Variants in SEMA5A observed in about 807,000 individuals in gnomAD.
SEMA5A encodes semaphorin 5A.
In SEMA5A, 55 loss-of-function variants were observed where a neutral mutation model predicts 135.5. The observed-to-expected ratio is 0.41, with a 90% CI of 0.33 to 0.51. The LOEUF (loss-of-function observed/expected upper bound fraction) is 0.51. SEMA5A is among the 20% of genes least tolerant of loss of function. The probability of loss-of-function intolerance (pLI) is 0.37; values close to 1 mark genes in which losing one functional copy is unlikely to be tolerated. For missense variants in SEMA5A, 1,290 were observed against 1,419.9 expected, an observed-to-expected ratio of 0.91 and a Z score of 1.47; for synonymous variants, 580 against 546.5, an observed-to-expected ratio of 1.06 and a Z score of -0.85.
intron 1 of SEMA5A, among the ~76,000 whole-genome samples, chr5:9,462,605 G>T (rs1759098038): frequency 6.6e-6 from 1 of 152,104 alleles, no homozygotes; most frequent in Non-Finnish European, 1.5e-5. Context: ...ACTGGATAAA[G>T]AAAATGTGGT....
chr5:9,363,745 A>G (rs1391305861), intron 3 of SEMA5A, among the ~76,000 whole-genome samples: 2 of 152,222 alleles, frequency 1.3e-5, no homozygotes, highest in Non-Finnish European at 2.9e-5. Flanking sequence ...TTATCCAACT[A>G]TATTTCTTGC....
intron 3 of SEMA5A, among the ~76,000 whole-genome samples, chr5:9,366,534 G>T (rs1471866453): frequency 5.9e-5 from 9 of 152,076 alleles, no homozygotes; most frequent in Non-Finnish European, 1.2e-4. Flanking sequence ...GACTACAGGT[G>T]CCCACCACCA....
chr5:9,145,634 A>G (rs1035640004), intron 12 of SEMA5A, among the ~76,000 whole-genome samples: 39 of 141,960 alleles, frequency 2.7e-4, no homozygotes, highest in African/African-American at 9.7e-4. Context: ...GATATTAAAG[A>G]AGAAAACTTT....
chr5:9,502,191 G>A (rs1456007150), intron 1 of SEMA5A, among the ~76,000 whole-genome samples: 1 of 152,192 alleles, frequency 6.6e-6, no homozygotes. Context: ...ACACATTCCT[G>A]TGTTCAGCAT....
At chr5:9,370,261 G>A (rs975690224) in intron 3 of SEMA5A, among the ~76,000 whole-genome samples, 5 of 152,322 alleles carry the variant, frequency 3.3e-5, no homozygotes, top group Admixed American at 1.3e-4. Context: ...CGTTCCTGGC[G>A]TCAGGGTCTT....
chr5:9,464,484 C>T (rs906848833), intron 1 of SEMA5A, among the ~76,000 whole-genome samples: 7 of 152,202 alleles, frequency 4.6e-5, no homozygotes, highest in Admixed American at 6.5e-5. Context: ...ACAGTTTACT[C>T]ACGTACCCCT....
intron 5 of SEMA5A, among the ~76,000 whole-genome samples, chr5:9,270,314 A>C (rs1341906732): frequency 6.6e-6 from 1 of 152,066 alleles, no homozygotes; most frequent in Non-Finnish European, 1.5e-5. Context: ...TGTCTTTGCT[A>C]ATTTTTTTTT....
At chr5:9,398,215 C>T (rs1212624121) in intron 2 of SEMA5A, among the ~76,000 whole-genome samples, 1 of 152,158 alleles carries the variant, frequency 6.6e-6, no homozygotes, top group African/African-American at 2.4e-5. Flanking sequence ...AAGGAAAACA[C>T]TATGATATCC....
chr5:9,450,775 C>T (rs905713919), intron 1 of SEMA5A, among the ~76,000 whole-genome samples: 1 of 149,988 alleles, frequency 6.7e-6, no homozygotes, highest in Non-Finnish European at 1.5e-5. Flanking sequence ...AAAAAAGAAA[C>T]GGAAAATAGT....
intron 4 of SEMA5A, among the ~76,000 whole-genome samples, chr5:9,321,971 T>C (rs1021713341): frequency 3.3e-5 from 5 of 152,124 alleles, no homozygotes; most frequent in East Asian, 1.9e-4. Flanking sequence ...GAAAAGACGA[T>C]AGCACAGTCT....
chr5:9,284,106 T>TAGAGAGAGAGAGAGAG (rs3034563), intron 5 of SEMA5A, among the ~76,000 whole-genome samples: 6 of 148,486 alleles, frequency 4.0e-5, no homozygotes, highest in East Asian at 2.0e-4. Flanking sequence ...AGATAGATAT[T>TAGAGAGAGAGAGAGAG]AGAGAGAGAG....
intron 16 of SEMA5A, among the ~76,000 whole-genome samples, chr5:9,089,883 C>T (rs1023381994): frequency 1.2e-4 from 19 of 152,270 alleles, no homozygotes; most frequent in Admixed American, 3.9e-4. Context: ...GTTTATTCTA[C>T]ATCTATTGAA....
intron 13 of SEMA5A, among the ~76,000 whole-genome samples, chr5:9,123,294 A>AAAAAAAAAAAAAT (rs1740924968): frequency 7.0e-6 from 1 of 142,628 alleles, no homozygotes; most frequent in Admixed American, 7.3e-5. Context: ...AAAAAAAAAA[A>AAAAAAAAAAAAAT]GATTGCATAA....
rs149347977 is a variant in SEMA5A, at chr5:9,094,498, T to C, written c.2073+13642A>G. On this transcript the variant is annotated intron_variant, in intron 16 of 22. Transcript: ENST00000382496. ...TAAACCAATTAAATGAGCTTCATAA[T>C]GAAAACTGCCCAGCAAATGTCAGAG... Among the ~76,000 whole-genome samples the C allele has an allele frequency of 1.8e-3, 277 of 152,360 alleles. 3 individuals are homozygous for C. Among genetic ancestry groups the C allele is most frequent in the African/African-American group, 5.8e-3 (243 of 41,594 alleles).
At chr5:9,539,929 A>G (rs752713450) in intron 1 of SEMA5A, among the ~76,000 whole-genome samples, 7 of 152,338 alleles carry the variant, frequency 4.6e-5, no homozygotes, top group Non-Finnish European at 7.3e-5. Flanking sequence ...CAGTTTACAA[A>G]GACATTTGTA....
intron 5 of SEMA5A, among the ~76,000 whole-genome samples, chr5:9,277,855 T>C (rs1326696656): frequency 6.6e-6 from 1 of 152,022 alleles, no homozygotes; most frequent in Non-Finnish European, 1.5e-5. Flanking sequence ...AAATTCCTAA[T>C]GTAGATGATA....
intron 1 of SEMA5A, among the ~76,000 whole-genome samples, chr5:9,533,133 C>T (rs1325027211): frequency 1.3e-5 from 2 of 152,226 alleles, no homozygotes; most frequent in African/African-American, 2.4e-5. Flanking sequence ...CACGCCAATT[C>T]GTCTGAGCCC....
chr5:9,237,863 T>C lies in SEMA5A; in HGVS notation c.298A>G (p.Thr100Ala), dbSNP rs779570076. The change falls in exon 6 of 23, where the codon ACC becomes GCC. Residue 100 changes from threonine to alanine, a missense_variant. Physicochemically the swap from Thr to Ala is moderately conservative, Grantham distance 58. Coordinates refer to ENST00000382496, the MANE Select transcript of SEMA5A (RefSeq NM_003966.3). ...CCTTTGCTGTAACAGGCCTTTTTGG[T>C]AGCTTCATCACACTCCCATTCCACA... ...QAVEWECDEA[T>A]KKACYSKGKS... The C allele has an allele frequency of 8.1e-6, 13 of 1,613,558 alleles. No homozygotes were observed. In the Admixed American group the frequency reaches 1.3e-4, roughly 17 times the overall value.
chr5:9,529,722 A>G (rs1737339528), intron 1 of SEMA5A, among the ~76,000 whole-genome samples: 1 of 152,218 alleles, frequency 6.6e-6, no homozygotes, highest in Admixed American at 6.5e-5. Flanking sequence ...ATCCATGGGT[A>G]TATGAAAGTA....
Sources: gnomAD v4.1 joint callset for allele counts (sites outside exome capture counted in the v4.1 genomes callset) on GRCh38, gnomAD v4.1.1 for gene constraint, MANE v1.5 for transcripts, NCBI Gene and HGNC (gene_info 2026-07-23, HGNC 2026-07-21) for gene names.